ITGBL1: variants seen among roughly 807,000 people sequenced by gnomAD.
ITGBL1 encodes integrin beta-like protein 1.
A neutral mutation model predicts 68.5 loss-of-function variants in ITGBL1; 51 were observed. The observed-to-expected ratio is 0.74, with a 90% CI of 0.59 to 0.94. The LOEUF is 0.94. Ranked by LOEUF, ITGBL1 falls within the 40% of genes least tolerant of loss-of-function variation. The pLI is 0.00. For synonymous variants in ITGBL1, 209 were observed against 227.3 expected (o/e 0.92, Z 0.72); for missense variants, 649 against 647.4 (o/e 1.00, Z -0.03).
At position 101,706,961 on chromosome 13, in the gene ITGBL1, C is replaced by G. The variant is rs781343063; in HGVS notation, c.1279+59C>G. ...CTGTTCTGACACATGATTTGTAGAA[C>G]AGCATGTAGCAACTGTCTTTCCCAG... is the stretch of plus-strand genomic sequence containing the variant. On this transcript the variant is annotated intron_variant, in intron 9 of 10. Transcript: ENST00000376180. The G allele has an allele frequency of 3.3e-6, 5 of 1,537,790 alleles. No individual in the cohort carries two copies. The East Asian group carries it at 1.1e-4, about 35-fold the overall frequency.
chr13:101,631,824 TTAATGAG>T (rs1480404070), intron 7 of ITGBL1, among the ~76,000 whole-genome samples: 1 of 152,106 alleles, frequency 6.6e-6, no homozygotes, highest in Non-Finnish European at 1.5e-5. Context: ...CCAAGGCAAG[TTAATGAG>T]TAAAGGAAAC....
intron 2 of ITGBL1, among the ~76,000 whole-genome samples, chr13:101,463,427 G>A (rs767717017): frequency 1.3e-5 from 2 of 152,192 alleles, no homozygotes; most frequent in Admixed American, 1.3e-4. Flanking sequence ...ATATGTCTTT[G>A]TCTCAGAACC....
intron 5 of ITGBL1, among the ~76,000 whole-genome samples, chr13:101,581,583 G>T (rs1332806113): frequency 6.6e-6 from 1 of 151,988 alleles, no homozygotes; most frequent in Non-Finnish European, 1.5e-5. Flanking sequence ...GATATATGTT[G>T]TTTATCTTTC....
chr13:101,476,830 A>G (rs967177821), intron 2 of ITGBL1, among the ~76,000 whole-genome samples: 3 of 152,160 alleles, frequency 2.0e-5, no homozygotes, highest in African/African-American at 7.2e-5. Context: ...CCAAAACTGG[A>G]GCACCTAGAC....
intron 6 of ITGBL1, among the ~76,000 whole-genome samples, chr13:101,586,559 AAAATAC>A (rs944273911): frequency 3.9e-5 from 6 of 152,362 alleles, no homozygotes; most frequent in Admixed American, 3.3e-4. Context: ...AGCAGAAGAG[AAAATAC>A]ATTCAGAGAA....
intron 8 of ITGBL1, among the ~76,000 whole-genome samples, chr13:101,705,089 A>G (rs2034226020): frequency 6.6e-6 from 1 of 151,970 alleles, no homozygotes; most frequent in Non-Finnish European, 1.5e-5. Flanking sequence ...TTTTCCCAGA[A>G]TATTTTTTAA....
intron 2 of ITGBL1, among the ~76,000 whole-genome samples, chr13:101,500,848 A>G (rs1449261764): frequency 6.6e-6 from 1 of 152,222 alleles, no homozygotes; most frequent in Non-Finnish European, 1.5e-5. Context: ...GTCTACTGCA[A>G]CATCCAGTCT....
chr13:101,693,356 G>A (rs940964998), intron 8 of ITGBL1, among the ~76,000 whole-genome samples: 5 of 152,146 alleles, frequency 3.3e-5, no homozygotes, highest in African/African-American at 4.8e-5. Flanking sequence ...ATCTTTCCAC[G>A]TTTCCAGTAT....
intron 6 of ITGBL1, among the ~76,000 whole-genome samples, chr13:101,585,728 C>T (rs748485434): frequency 1.2e-4 from 19 of 152,070 alleles, no homozygotes; most frequent in Non-Finnish European, 2.6e-4. Flanking sequence ...CCTCCCCCGG[C>T]GGCAATGTCA....
intron 7 of ITGBL1, among the ~76,000 whole-genome samples, chr13:101,626,042 G>A (rs1032028775): frequency 3.9e-5 from 6 of 152,098 alleles, no homozygotes; most frequent in African/African-American, 1.2e-4. Context: ...GTAGAACTTC[G>A]ACTCATTGAG....
At chr13:101,618,252 A>G (rs1341235582) in intron 7 of ITGBL1, among the ~76,000 whole-genome samples, 2 of 152,202 alleles carry the variant, frequency 1.3e-5, no homozygotes, top group Admixed American at 6.5e-5. Context: ...GTTGATGCCT[A>G]CTATAGATCA....
intron 2 of ITGBL1, among the ~76,000 whole-genome samples, chr13:101,566,486 G>T (rs1266138661): frequency 1.3e-5 from 2 of 152,084 alleles, no homozygotes; most frequent in Non-Finnish European, 2.9e-5. Context: ...GCAAGGTTTT[G>T]GTTATAAAAT....
chr13:101,604,887 T>TATGTATATATATATATAC lies in ITGBL1; in HGVS notation c.1015+6589_1015+6590insTGTATATATATATATACA. 7.2e-4 allele frequency among the ~76,000 whole-genome samples: 16 copies of TATGTATATATATATATAC among 22,162 alleles called. 1 individual carries two copies. Among genetic ancestry groups the TATGTATATATATATATAC allele is most frequent in the South Asian group, 2.6e-3 (1 of 390 alleles). 14.5% of individuals were successfully genotyped at this position (22,162 alleles called of 152,430 possible). ...ATATATATATATATATATATATATA[T>TATGTATATATATATATAC]ACACACACACACACATATATATGTG... is the stretch of plus-strand genomic sequence containing the variant. On this transcript the variant is annotated intron_variant, in intron 7 of 10. Transcript: ENST00000376180.
chr13:101,597,419 C>CAAAAAAAAAAAAAA (rs35737952), intron 6 of ITGBL1, among the ~76,000 whole-genome samples: 1 of 127,250 alleles, frequency 7.9e-6, no homozygotes. Context: ...GTCTAAAAAG[C>CAAAAAAAAAAAAAA]AAAAAAAAAA....
chr13:101,663,600 A>T (rs942357328), intron 7 of ITGBL1, among the ~76,000 whole-genome samples: 15 of 152,182 alleles, frequency 9.9e-5, no homozygotes, highest in African/African-American at 2.9e-4. Flanking sequence ...TTTATATTTT[A>T]TAATCCAAAT....
intron 7 of ITGBL1, among the ~76,000 whole-genome samples, chr13:101,628,437 C>CT (rs986031242): frequency 0.021 from 2,969 of 139,586 alleles, 86 homozygotes; most frequent in African/African-American, 0.07. Context: ...TTTTCTTTTT[C>CT]TTTTTTTTTT....
intron 2 of ITGBL1, among the ~76,000 whole-genome samples, chr13:101,559,327 G>C (rs1332466807): frequency 6.6e-6 from 1 of 152,104 alleles, no homozygotes; most frequent in Non-Finnish European, 1.5e-5. Context: ...GCAGATGAAG[G>C]GAATCTTGGG....
rs142034766 is a variant in ITGBL1, at chr13:101,490,061, C to T, written c.316+35961C>T. The stretch of plus-strand genomic sequence containing the variant: ...TTGTTATGGACTGAATATTTGTTTA[C>T]CCCCAAAATTCTGTGTTGAAATTCT... On this transcript the variant is annotated intron_variant, in intron 2 of 10. Transcript: ENST00000376180. The T allele has an allele frequency of 1.8e-3, 1,805 of 1,018,590 alleles. 6 individuals carry two copies. The highest frequency in any genetic ancestry group is 2.7e-3 in the Middle Eastern group (9 of 3,356). The allele number at this position is 1,018,590 out of a possible 1,614,324, so 63.1% of individuals were successfully genotyped here. A position where few individuals can be genotyped will look rare whatever the true frequency, so the allele number is the denominator to read the frequency against.
intron 2 of ITGBL1, among the ~76,000 whole-genome samples, chr13:101,538,956 G>T (rs1293797320): frequency 6.6e-6 from 1 of 151,130 alleles, no homozygotes; most frequent in Non-Finnish European, 1.5e-5. Flanking sequence ...TAAATAACTT[G>T]CTCAAGTTCA....
Sources: gnomAD v4.1 joint callset for allele counts (sites outside exome capture counted in the v4.1 genomes callset) on GRCh38, gnomAD v4.1.1 for gene constraint, MANE v1.5 for transcripts, NCBI Gene and HGNC (gene_info 2026-07-23, HGNC 2026-07-21) for gene names.